Variants in ZBTB25 observed in about 807,000 individuals in gnomAD.
ZBTB25 encodes the protein zinc finger and BTB domain containing 25.
ZBTB25 carries 20 observed loss-of-function variants against 34.2 expected under a neutral mutation model. That is an observed-to-expected ratio of 0.58 (90% CI 0.41 to 0.85). ZBTB25 has a LOEUF of 0.85. ZBTB25 is among the 40% of genes least tolerant of loss of function. ZBTB25 has a pLI of 0.00. For missense variants in ZBTB25, 437 were observed against 521.8 expected (o/e 0.84, Z 1.58); for synonymous variants, 175 against 186.4 (o/e 0.94, Z 0.50).
chr14:64,453,983 T>C (rs1052628268), intron 2 of ZBTB25: 2 of 710,912 alleles, frequency 2.8e-6, no homozygotes, highest in Non-Finnish European at 5.2e-6. Flanking sequence ...GGCAGCCTTC[T>C]CTCCTCTGAA....
intron 1 of ZBTB25, among the ~76,000 whole-genome samples, chr14:64,498,338 C>A (rs1304734508): frequency 1.3e-5 from 2 of 151,110 alleles, no homozygotes; most frequent in South Asian, 4.2e-4. Context: ...CAGAGTCTCG[C>A]TCTGTCGCCC....
chr14:64,487,687 C>A lies in ZBTB25; in HGVS notation c.544G>T (p.Asp182Tyr). 2 of 1,610,416 alleles carry A rather than the reference C, an allele frequency of 1.2e-6. No individual in the cohort carries two copies. The highest frequency in any genetic ancestry group is 1.1e-5 in the South Asian group (1 of 90,452). ...LAIGLDDGTA[D>Y]QQRACPATQA... The stretch of plus-strand genomic sequence containing the variant: ...GTGGCAGGACAGGCCCTCTGCTGGT[C>A]TGCAGTGCCATCATCCAGACCAATA... The change falls in exon 3 of 3, where the codon GAC (aspartate) becomes TAC (tyrosine). Residue 182 changes from aspartate (D) to tyrosine (Y), a missense_variant. By Grantham distance (160) the Asp-to-Tyr change is radical (BLOSUM62 -3). Transcript: ENST00000608382.
chr14:64,500,931 A>G (rs2079474064), intron 1 of ZBTB25, among the ~76,000 whole-genome samples: 1 of 152,196 alleles, frequency 6.6e-6, no homozygotes, highest in Admixed American at 6.5e-5. Context: ...GGCGCCTGTA[A>G]TCCCAGCTAC....
downstream of ZBTB25, among the ~76,000 whole-genome samples, chr14:64,476,486 A>G (rs2078720589): frequency 6.9e-6 from 1 of 144,666 alleles, no homozygotes; most frequent in African/African-American, 2.5e-5. Context: ...ATGCCCGGCT[A>G]ATTTTTTTCT....
In ZBTB25 at chr14:64,457,921, C is replaced by T. The variant is rs1380063174; in HGVS notation, c.174-8283G>A. 5.0e-5 allele frequency: 25 copies of T among 498,246 alleles called. No individual in the cohort carries two copies. The Admixed American group carries it at 8.3e-4, about 17-fold the overall frequency. The allele number at this position is 498,246 out of a possible 1,614,324, so 30.9% of individuals were successfully genotyped here. On this transcript the variant is annotated intron_variant, in intron 2 of 2. Coordinates refer to the ZBTB25 transcript ENST00000555220. The stretch of plus-strand genomic sequence containing the variant: ...AAGATGACTTTACGTTTATTTTAGA[C>T]ATGGCCTTGCTCTGTCGCCCAGGCA...
chr14:64,491,983 G>A (rs867111922), intron 1 of ZBTB25, among the ~76,000 whole-genome samples: 1 of 151,884 alleles, frequency 6.6e-6, no homozygotes, highest in Admixed American at 6.6e-5. Context: ...GCCAGGCACG[G>A]TGGTGCATGC....
rs1330101261 is a variant in ZBTB25 at position 64,485,630 on chromosome 14, T to C, written c.*1293A>G. Reference sequence around the variant, plus strand: ...GATCTTAAATGTAGTTATAGAACACTGAATGTATCCACTTTGCTGGTTTTA... The same window carrying C: ...GATCTTAAATGTAGTTATAGAACACCGAATGTATCCACTTTGCTGGTTTTA... On this transcript the variant is annotated 3_prime_UTR_variant, in exon 3 of 3. Transcript: ENST00000608382. The C allele has an allele frequency of 1.0e-6, 1 of 985,306 alleles. No homozygotes were observed. Among genetic ancestry groups the C allele is most frequent in the Non-Finnish European group, 1.2e-6 (1 of 829,932 alleles). The allele number at this position is 985,306 out of a possible 1,614,324, so 61.0% of individuals were successfully genotyped here.
At chr14:64,488,422 G>A (rs543665712) in intron 2 of ZBTB25, among the ~76,000 whole-genome samples, 16 of 151,912 alleles carry the variant, frequency 1.1e-4, no homozygotes, top group African/African-American at 3.9e-4. Flanking sequence ...TCAAGTAAAC[G>A]ATCAAAAGAA....
intron 2 of ZBTB25, among the ~76,000 whole-genome samples, chr14:64,489,346 C>T (rs1208617381): frequency 6.6e-6 from 1 of 151,970 alleles, no homozygotes; most frequent in Non-Finnish European, 1.5e-5. Flanking sequence ...TGACTAAAAG[C>T]ATAGACATAG....
Position 64,486,197 on chromosome 14 carries a change from G to A in ZBTB25, c.*726C>T. On this transcript the variant is annotated 3_prime_UTR_variant, in exon 3 of 3. Transcript: ENST00000608382. Reference sequence around the variant, plus strand: ...GGCGCCTGTAGTCCCAGCTGCTCAGGAGGCTGAGGCAGGAGAATGGCGTGA... The same window carrying A: ...GGCGCCTGTAGTCCCAGCTGCTCAGAAGGCTGAGGCAGGAGAATGGCGTGA... The A allele has an allele frequency of 1.3e-6, 1 of 766,200 alleles. No homozygotes were observed. The highest frequency in any genetic ancestry group is 1.6e-6 in the Non-Finnish European group (1 of 632,434). The allele number at this position is 766,200 out of a possible 1,614,324, so 47.5% of individuals were successfully genotyped here.
downstream of ZBTB25, among the ~76,000 whole-genome samples, chr14:64,474,847 A>G (rs74058136): frequency 0.011 from 1,690 of 152,336 alleles, 24 homozygotes; most frequent in African/African-American, 0.039. Context: ...AGACTAATCA[A>G]TGTGAAAATG....
chr14:64,495,459 G>A (rs2079237293), intron 1 of ZBTB25, among the ~76,000 whole-genome samples: 1 of 152,174 alleles, frequency 6.6e-6, no homozygotes, highest in African/African-American at 2.4e-5. Context: ...CCAGCTGCAT[G>A]ATCACTGTGA....
chr14:64,474,593 G>C (rs1051392538), downstream of ZBTB25: 2 of 163,426 alleles, frequency 1.2e-5, no homozygotes, highest in Admixed American at 1.3e-4. Context: ...TACTGAGTTC[G>C]CACTACCAAA....
chr14:64,487,865 A>T lies in ZBTB25; in HGVS notation c.366T>A (p.Thr122=). The change falls in exon 3 of 3, where the codon ACT becomes ACA. Residue 122 remains threonine (T), a synonymous_variant. Coordinates refer to ENST00000608382, the MANE Select transcript of ZBTB25 (RefSeq NM_006977.5). ...TEMNQVFSPE[T]VQSSNLYGIQ... is the part of the protein sequence containing the mutation. Reference sequence around the variant, plus strand: ...TGCCATATAAATTTGAGGACTGCACAGTCTCTGGTGAGAACACTTGATTCA... The same window carrying T: ...TGCCATATAAATTTGAGGACTGCACTGTCTCTGGTGAGAACACTTGATTCA... 6.2e-7 allele frequency: 1 copy of T among 1,614,214 alleles called. No individual in the cohort carries two copies. The highest frequency in any genetic ancestry group is 1.1e-5 in the South Asian group (1 of 91,088).
rs899790658 is a variant in ZBTB25, at chr14:64,479,305, G to A, written c.*7618C>T. On this transcript the variant is annotated 3_prime_UTR_variant, in exon 3 of 3. Coordinates refer to ENST00000608382, the MANE Select transcript of ZBTB25 (RefSeq NM_006977.5). ...GGGAGGCTGTCCTCTGCACTGAGAT[G>A]TTTAGCAGCATCCCTGGCCTCCACC... is the stretch of plus-strand genomic sequence containing the variant. 1.3e-5 allele frequency: 2 copies of A among 152,178 alleles called. No individual in the cohort carries two copies. Among genetic ancestry groups the A allele is most frequent in the African/African-American group, 4.8e-5 (2 of 41,424 alleles). 9.4% of individuals were successfully genotyped at this position (152,178 alleles called of 1,614,324 possible).
intron 2 of ZBTB25, chr14:64,459,924 CATCATGTATAAATTAACATAAATCAT>C (rs2078534966): frequency 5.9e-6 from 9 of 1,534,720 alleles, no homozygotes; most frequent in Non-Finnish European, 7.0e-6. Flanking sequence ...CCTTAATTCT[CATCATGTATAAATTAACATAAATCAT>C]GCATGTCTGT....
chr14:64,465,832 T>G (rs2078607275), intron 2 of ZBTB25, among the ~76,000 whole-genome samples: 1 of 152,202 alleles, frequency 6.6e-6, no homozygotes, highest in Admixed American at 6.5e-5. Flanking sequence ...GCGTTACAGC[T>G]TGTCTTAGAA....
At chr14:64,455,099 C>T in intron 2 of ZBTB25, 1 of 545,872 alleles carries the variant, frequency 1.8e-6, no homozygotes, top group South Asian at 2.0e-5. Flanking sequence ...GCCAGGACTA[C>T]TCATACTGAA....
Position 64,487,045 on chromosome 14 carries a change from A to G in ZBTB25, c.1186T>C (p.Cys396Arg), listed in dbSNP as rs1167660807. The G allele has an allele frequency of 6.2e-7, 1 of 1,614,264 alleles. No homozygotes were observed. The part of the protein sequence containing the change: ...NALAQRFQPY[C>R]DSWSDVSLKS... Reference sequence around the variant, plus strand: ...AGGGAGACATCAGACCAGCTGTCACAGTATGGCTGAAATCTCTGGGCCAAT... The same window carrying G: ...AGGGAGACATCAGACCAGCTGTCACGGTATGGCTGAAATCTCTGGGCCAAT... The change falls in exon 3 of 3, where the codon TGT becomes CGT. Residue 396 changes from cysteine to arginine, a missense_variant. Cys to Arg is a radical substitution (Grantham distance 180, BLOSUM62 -3). Coordinates refer to ENST00000608382, the MANE Select transcript of ZBTB25 (RefSeq NM_006977.5).
Sources: gnomAD v4.1 joint callset for allele counts (sites outside exome capture counted in the v4.1 genomes callset) on GRCh38, gnomAD v4.1.1 for gene constraint, MANE v1.5 for transcripts, NCBI Gene and HGNC (gene_info 2026-07-23, HGNC 2026-07-21) for gene names.